The following MYO5A variants were observed in gnomAD, a reference collection of about 807,000 sequenced individuals.
The protein encoded by MYO5A is myosin VA, also known as unconventional myosin-Va.
MYO5A carries 98 observed loss-of-function variants against 249.7 expected under a neutral mutation model. The ratio of observed to expected loss-of-function variants is 0.39; its 90% CI spans 0.33 to 0.46. MYO5A has a LOEUF of 0.46. Among genes scored for constraint, MYO5A ranks in the 20% least tolerant of loss-of-function variants. The pLI, the probability that MYO5A is intolerant of heterozygous loss-of-function variation, is 0.98. For missense variants in MYO5A, 1,696 were observed against 2,308.8 expected (o/e 0.73, Z 5.44); for synonymous variants, 778 against 810.6 (o/e 0.96, Z 0.68).
intron 1 of MYO5A, among the ~76,000 whole-genome samples, chr15:52,481,921 T>C (rs1421337091): frequency 3.9e-5 from 6 of 152,216 alleles, no homozygotes; most frequent in Admixed American, 3.9e-4. Flanking sequence ...ATTTTGTATG[T>C]CCATTTTGTT....
intron 1 of MYO5A, among the ~76,000 whole-genome samples, chr15:52,433,952 T>C (rs2075600256): frequency 6.6e-6 from 1 of 152,070 alleles, no homozygotes; most frequent in Non-Finnish European, 1.5e-5. Flanking sequence ...CACTGCCATC[T>C]TTTTATGGCT....
At chr15:52,343,610 C>T (rs117175313) in intron 30 of MYO5A, among the ~76,000 whole-genome samples, 4,991 of 152,230 alleles carry the variant, frequency 0.033, 127 homozygotes, top group Non-Finnish European at 0.051. Flanking sequence ...TAATATTTTT[C>T]AAGATGAATT....
At chr15:52,320,317 TA>T (rs1447669663) in intron 38 of MYO5A, among the ~76,000 whole-genome samples, 1 of 152,230 alleles carries the variant, frequency 6.6e-6, no homozygotes, top group Non-Finnish European at 1.5e-5. Flanking sequence ...TTAATTGTGC[TA>T]AACACAGATT....
intron 25 of MYO5A, among the ~76,000 whole-genome samples, chr15:52,356,823 T>TC (rs370943771): frequency 0.012 from 1,547 of 127,668 alleles, 29 homozygotes; most frequent in Middle Eastern, 0.015. Flanking sequence ...TTTTTTATTT[T>TC]CAGGAATTGT....
chr15:52,453,050 CAT>C (rs1418887682), intron 1 of MYO5A, among the ~76,000 whole-genome samples: 1 of 151,902 alleles, frequency 6.6e-6, no homozygotes, highest in Non-Finnish European at 1.5e-5. Context: ...ACTTGAGAAA[CAT>C]ATAAATATCC....
At chr15:52,344,357 C>T (rs905145562) in intron 30 of MYO5A, among the ~76,000 whole-genome samples, 5 of 152,168 alleles carry the variant, frequency 3.3e-5, no homozygotes, top group Non-Finnish European at 7.4e-5. Context: ...TATAAATCTA[C>T]TGATCATCTT....
intron 40 of MYO5A, among the ~76,000 whole-genome samples, chr15:52,314,699 G>T (rs1355170194): frequency 1.5e-5 from 2 of 129,230 alleles, no homozygotes; most frequent in East Asian, 2.0e-4. Flanking sequence ...TTTTATAAAA[G>T]ATCATAAATA....
At chr15:52,431,423 T>C (rs959317984) in intron 2 of MYO5A, among the ~76,000 whole-genome samples, 11 of 151,688 alleles carry the variant, frequency 7.3e-5, no homozygotes, top group Non-Finnish European at 1.2e-4. Context: ...TATGTAAACA[T>C]AGACATAAAG....
chr15:52,524,640 G>A (rs750547557), intron 1 of MYO5A, among the ~76,000 whole-genome samples: 4 of 152,088 alleles, frequency 2.6e-5, no homozygotes, highest in Non-Finnish European at 5.9e-5. Context: ...CACTATGGGA[G>A]GTGGAAGCAG....
intron 4 of MYO5A, among the ~76,000 whole-genome samples, chr15:52,417,651 C>G (rs986330905): frequency 1.3e-5 from 2 of 152,146 alleles, no homozygotes; most frequent in African/African-American, 2.4e-5. Context: ...GGCCCCTCCC[C>G]TCAGGAATGG....
At chr15:52,431,057 T>TC (rs2141299102) in intron 2 of MYO5A, among the ~76,000 whole-genome samples, 1 of 149,440 alleles carries the variant, frequency 6.7e-6, no homozygotes, top group South Asian at 2.1e-4. Flanking sequence ...CATGGTAAAA[T>TC]CCTGTCTCTA....
At chr15:52,459,146 A>ATTTT (rs199923318) in intron 1 of MYO5A, among the ~76,000 whole-genome samples, 676 of 48,954 alleles carry the variant, frequency 0.014, 30 homozygotes, top group Admixed American at 0.039. Flanking sequence ...ATTTTCCAGA[A>ATTTT]ATTTTTTTTT....
chr15:52,504,990 T>C lies in MYO5A; in HGVS notation c.27+23790A>G, dbSNP rs1401855227. On this transcript the variant is annotated intron_variant, in intron 1 of 41. Coordinates refer to ENST00000399233, the MANE Select transcript of MYO5A (RefSeq NM_001382347.1). Reference sequence around the variant, plus strand: ...AGAGAAGGTTATCTCGGGGCTATTCTGGCAGCTCAATAATGTCGTTAAGAA... The same window carrying C: ...AGAGAAGGTTATCTCGGGGCTATTCCGGCAGCTCAATAATGTCGTTAAGAA... Among the ~76,000 whole-genome samples the C allele has an allele frequency of 2.0e-5, 3 of 152,162 alleles. No homozygotes were observed. The East Asian group carries it at 5.8e-4, about 29-fold the overall frequency.
At chr15:52,509,323 G>A (rs2077343676) in intron 1 of MYO5A, among the ~76,000 whole-genome samples, 1 of 152,076 alleles carries the variant, frequency 6.6e-6, no homozygotes, top group African/African-American at 2.4e-5. Context: ...ATATTGGGTT[G>A]GAAAACCAAG....
At chr15:52,405,870 G>A (rs2042982590) in intron 8 of MYO5A, among the ~76,000 whole-genome samples, 1 of 152,158 alleles carries the variant, frequency 6.6e-6, no homozygotes, top group East Asian at 1.9e-4. Flanking sequence ...ATTTATCTCT[G>A]CTCCAGATAC....
intron 20 of MYO5A, among the ~76,000 whole-genome samples, chr15:52,374,858 T>G (rs1402972623): frequency 1.3e-5 from 2 of 148,872 alleles, no homozygotes; most frequent in Non-Finnish European, 3.0e-5. Flanking sequence ...TAATTTATTA[T>G]AGCAGCCACA....
chr15:52,353,105 T>C (rs1358623483), intron 27 of MYO5A, among the ~76,000 whole-genome samples: 1 of 152,224 alleles, frequency 6.6e-6, no homozygotes, highest in East Asian at 1.9e-4. Flanking sequence ...AGTCTAGTAG[T>C]GTGAGGCCTG....
At chr15:52,426,407 T>C (rs2075395330) in intron 3 of MYO5A, among the ~76,000 whole-genome samples, 3 of 152,054 alleles carry the variant, frequency 2.0e-5, no homozygotes, top group Admixed American at 2.0e-4. Flanking sequence ...AGGAGACTAG[T>C]TGAATGCATT....
At chr15:52,412,926 T>C (rs1228933384) in intron 5 of MYO5A, among the ~76,000 whole-genome samples, 1 of 152,078 alleles carries the variant, frequency 6.6e-6, no homozygotes, top group Non-Finnish European at 1.5e-5. Context: ...GGCGGGTGGA[T>C]CACCTGAGGT....
Sources: allele counts gnomAD v4.1 joint callset (sites outside exome capture counted in the v4.1 genomes callset), GRCh38; gene constraint gnomAD v4.1.1; transcripts MANE v1.5; gene names NCBI Gene and HGNC (gene_info 2026-07-23, HGNC 2026-07-21).